The following FSIP1 variants were observed in gnomAD, a reference collection of about 807,000 sequenced individuals.
FSIP1 encodes the protein fibrous sheath-interacting protein 1.
Under a neutral mutation model 60.9 loss-of-function variants are expected in FSIP1, and 65 were observed. The observed-to-expected ratio is 1.07, with a 90% CI of 0.87 to 1.31. FSIP1 has a LOEUF of 1.31. Ranked by LOEUF, FSIP1 falls within the 40% of genes most tolerant of loss-of-function variation. The probability of loss-of-function intolerance (pLI) is 0.00; values close to 1 mark genes in which losing one functional copy is unlikely to be tolerated. For missense variants in FSIP1, 675 were observed against 665.5 expected (o/e 1.01, Z -0.16); for synonymous variants, 209 against 221.2 (o/e 0.94, Z 0.49).
intron 10 of FSIP1, among the ~76,000 whole-genome samples, chr15:39,683,965 C>T: frequency 6.6e-6 from 1 of 152,154 alleles, no homozygotes; most frequent in East Asian, 1.9e-4. Context: ...AGAGGCATAC[C>T]ATGTTGATGA....
At chr15:39,688,539 A>G (rs1396994610) in intron 10 of FSIP1, among the ~76,000 whole-genome samples, 2 of 152,224 alleles carry the variant, frequency 1.3e-5, no homozygotes, top group Admixed American at 6.5e-5. Context: ...GCACCATCAT[A>G]AAGTTGAAAA....
At chr15:39,659,271 C>G (rs7167100) in intron 10 of FSIP1, among the ~76,000 whole-genome samples, 116,730 of 152,040 alleles carry the variant, frequency 0.77, 45,880 homozygotes, top group Non-Finnish European at 0.87. Context: ...GGCTGGACGC[C>G]GTGGCTCACA....
At chr15:39,663,492 T>A (rs931138414) in intron 10 of FSIP1, among the ~76,000 whole-genome samples, 1 of 152,178 alleles carries the variant, frequency 6.6e-6, no homozygotes, top group African/African-American at 2.4e-5. Flanking sequence ...AATTCCAACA[T>A]GGAGTAAAGG....
Position 39,698,600 on chromosome 15 carries a change from G to A in FSIP1, c.1188+14844C>T, listed in dbSNP as rs181905550. ...TTAATCTGAGCACTCTGCACTCCTC[G>A]TGATCAGTGTTTTCCCCAGCGGTGT... On this transcript the variant is annotated intron_variant, in intron 10 of 11. Coordinates refer to ENST00000350221, the MANE Select transcript of FSIP1 (RefSeq NM_152597.5). Among the ~76,000 whole-genome samples, 97 of 152,250 alleles carry A rather than the reference G, an allele frequency of 6.4e-4. 2 individuals are homozygous for A. The highest frequency in any genetic ancestry group is 1.1e-3 in the African/African-American group (45 of 41,556).
At chr15:39,707,699 C>T (rs1422647793) in intron 10 of FSIP1, among the ~76,000 whole-genome samples, 1 of 152,048 alleles carries the variant, frequency 6.6e-6, no homozygotes, top group Non-Finnish European at 1.5e-5. Flanking sequence ...TCATAACAGC[C>T]CTATGAGGTG....
chr15:39,737,242 A>G (rs1316576792), intron 8 of FSIP1, among the ~76,000 whole-genome samples: 1 of 152,048 alleles, frequency 6.6e-6, no homozygotes, highest in Non-Finnish European at 1.5e-5. Flanking sequence ...CGGGCCCTAT[A>G]AATACCTGCG....
intron 8 of FSIP1, among the ~76,000 whole-genome samples, chr15:39,730,211 G>A (rs937249648): frequency 3.9e-5 from 6 of 152,100 alleles, no homozygotes; most frequent in African/African-American, 1.4e-4. Flanking sequence ...GAAAGATAAT[G>A]AATTGTTTGG....
intron 1 of FSIP1, among the ~76,000 whole-genome samples, chr15:39,780,373 A>C (rs1487345612): frequency 6.6e-6 from 1 of 152,102 alleles, no homozygotes; most frequent in African/African-American, 2.4e-5. Flanking sequence ...AAATACAAAA[A>C]AATTAGCCGG....
intron 10 of FSIP1, among the ~76,000 whole-genome samples, chr15:39,667,125 T>C (rs1359085758): frequency 6.6e-6 from 1 of 152,194 alleles, no homozygotes; most frequent in Non-Finnish European, 1.5e-5. Context: ...GTGCTTGACT[T>C]TCCCTTCCCC....
chr15:39,703,732 C>A (rs1264695363), intron 10 of FSIP1, among the ~76,000 whole-genome samples: 1 of 152,020 alleles, frequency 6.6e-6, no homozygotes, highest in Admixed American at 6.6e-5. Context: ...TATCCCAGAA[C>A]TTAAAGTAAA....
chr15:39,657,701 C>G (rs573251371), intron 10 of FSIP1, among the ~76,000 whole-genome samples: 4 of 152,158 alleles, frequency 2.6e-5, no homozygotes, highest in African/African-American at 9.6e-5. Flanking sequence ...TTGGTAGCAC[C>G]CAGGATATGC....
intron 10 of FSIP1, among the ~76,000 whole-genome samples, chr15:39,660,071 G>T (rs1030486796): frequency 6.6e-6 from 1 of 152,140 alleles, no homozygotes; most frequent in African/African-American, 2.4e-5. Flanking sequence ...AACTCCAGGG[G>T]CAAGAATGAC....
chr15:39,716,465 G>T (rs528413162), intron 9 of FSIP1, among the ~76,000 whole-genome samples: 1 of 152,098 alleles, frequency 6.6e-6, no homozygotes, highest in South Asian at 2.1e-4. Flanking sequence ...TCTGACAGAG[G>T]ACTTGTATCC....
intron 11 of FSIP1, among the ~76,000 whole-genome samples, chr15:39,615,289 A>T (rs961497302): frequency 6.6e-6 from 1 of 152,164 alleles, no homozygotes; most frequent in Non-Finnish European, 1.5e-5. Context: ...AAGTGTCTGC[A>T]CAGCAAAGAA....
intron 8 of FSIP1, among the ~76,000 whole-genome samples, chr15:39,735,398 T>C (rs577150946): frequency 1.3e-5 from 2 of 152,188 alleles, no homozygotes; most frequent in African/African-American, 4.8e-5. Context: ...TAGGAAGTAT[T>C]TGTGAATCTA....
rs1036042654 is a variant in FSIP1 at position 39,654,101 on chromosome 15, GTCT to G, written c.1189-35859_1189-35857del. ...AGCTGTCATCTCCTACGACAACAATGTCTTCTTCTGGAATTCCTCCTGAAGGAA... is the reference window on the plus strand; with the variant it reads ...AGCTGTCATCTCCTACGACAACAATGTCTTCTGGAATTCCTCCTGAAGGAA... On this transcript the variant is annotated intron_variant, in intron 10 of 11. Coordinates refer to ENST00000350221, the MANE Select transcript of FSIP1 (RefSeq NM_152597.5). 2.7e-4 allele frequency among the ~76,000 whole-genome samples: 41 copies of G among 152,226 alleles called. 1 individual carries two copies. The highest frequency in any genetic ancestry group is 9.6e-4 in the African/African-American group (40 of 41,518).
intron 9 of FSIP1, among the ~76,000 whole-genome samples, chr15:39,722,841 GAT>G (rs1896036148): frequency 6.6e-6 from 1 of 151,994 alleles, no homozygotes; most frequent in Admixed American, 6.6e-5. Context: ...GAGGTTGGAG[GAT>G]CACTTGGGCC....
intron 5 of FSIP1, among the ~76,000 whole-genome samples, chr15:39,763,029 TCTC>T (rs1282168996): frequency 6.6e-6 from 1 of 152,188 alleles, no homozygotes; most frequent in African/African-American, 2.4e-5. Flanking sequence ...ATTAAACACA[TCTC>T]AAAAGATAAA....
intron 11 of FSIP1, among the ~76,000 whole-genome samples, chr15:39,607,555 T>C (rs553935727): frequency 6.6e-6 from 1 of 152,210 alleles, no homozygotes; most frequent in Non-Finnish European, 1.5e-5. Context: ...CTGGTTACCA[T>C]GAAGCTTAAA....
Sources: allele counts gnomAD v4.1 joint callset (sites outside exome capture counted in the v4.1 genomes callset), GRCh38; gene constraint gnomAD v4.1.1; transcripts MANE v1.5; gene names NCBI Gene and HGNC (gene_info 2026-07-23, HGNC 2026-07-21).